Variants in USP24 observed in about 807,000 individuals in gnomAD.
USP24 encodes ubiquitin specific peptidase 24.
USP24 carries 97 observed loss-of-function variants against 361.6 expected under a neutral mutation model. That is an observed-to-expected ratio of 0.27 (90% CI 0.23 to 0.32). The LOEUF is 0.32. USP24 is among the 10% of genes least tolerant of loss of function. USP24 has a pLI of 1.00. For missense variants in USP24, 2,353 were observed against 3,165.6 expected (o/e 0.74, Z 6.16); for synonymous variants, 1,098 against 1,124.6 (o/e 0.98, Z 0.47).
At chr1:55,082,960 G>T (rs967872252) in intron 58 of USP24, among the ~76,000 whole-genome samples, 2 of 151,914 alleles carry the variant, frequency 1.3e-5, no homozygotes, top group African/African-American at 4.8e-5. Flanking sequence ...AGACAGCCTT[G>T]TTCACAGCCC....
intron 42 of USP24, 148 bp from the exon 43 acceptor site, chr1:55,101,851 T>G (rs1001987488): frequency 1.3e-5 from 14 of 1,040,060 alleles, no homozygotes; most frequent in Non-Finnish European, 1.3e-6. Context: ...CCTATGTTCA[T>G]GAAGTACCTC....
intron 44 of USP24, among the ~76,000 whole-genome samples, 195 bp downstream of exon 44, chr1:55,100,644 T>C (rs1252439314): frequency 6.6e-6 from 1 of 152,222 alleles, no homozygotes; most frequent in Non-Finnish European, 1.5e-5. Flanking sequence ...TTCCTAGGAA[T>C]TGAATGACTA....
intron 1 of USP24, among the ~76,000 whole-genome samples, chr1:55,209,617 T>A (rs1644801797): frequency 6.6e-6 from 1 of 152,192 alleles, no homozygotes. Flanking sequence ...TTGAAACTTG[T>A]TTGAACTGTA....
intron 1 of USP24, among the ~76,000 whole-genome samples, chr1:55,190,744 T>C (rs1390559815): frequency 2.0e-5 from 3 of 152,106 alleles, no homozygotes; most frequent in Non-Finnish European, 1.5e-5. Context: ...AAAAGGATAA[T>C]GTGAAAGTAG....
chr1:55,129,173 T>A (rs1259036464), intron 32 of USP24, among the ~76,000 whole-genome samples: 1 of 152,214 alleles, frequency 6.6e-6, no homozygotes, highest in Non-Finnish European at 1.5e-5. Context: ...AAAATTCACC[T>A]TATTTCAAAC....
chr1:55,085,480 T>C (rs1239797726), intron 56 of USP24, among the ~76,000 whole-genome samples: 3 of 152,250 alleles, frequency 2.0e-5, no homozygotes, highest in Non-Finnish European at 2.9e-5. Context: ...GTAACTGCTG[T>C]ACCTGTAAGG....
chr1:55,135,383 T>C (rs940525016), intron 28 of USP24, among the ~76,000 whole-genome samples: 3 of 152,048 alleles, frequency 2.0e-5, no homozygotes, highest in African/African-American at 7.2e-5. Context: ...AATCGGAAAC[T>C]TTCTGAGTGC....
intron 59 of USP24, 109 bp from the exon 60 acceptor site, chr1:55,079,768 G>C: frequency 2.8e-6 from 4 of 1,404,318 alleles, no homozygotes; most frequent in Non-Finnish European, 3.7e-6. Context: ...CACACACTGA[G>C]TACTCTCACA....
At chr1:55,139,117 T>C in intron 24 of USP24, 107 bp from the exon 25 acceptor site, 1 of 984,064 alleles carries the variant, frequency 1.0e-6, no homozygotes. Flanking sequence ...CACTCACTGG[T>C]CAAAGACTGA....
chr1:55,214,881 C>CCGTCACCTCCGCCGT lies in USP24; in HGVS notation c.218_232dup (p.Asp73_Asp77dup). The CCGTCACCTCCGCCGT allele has an allele frequency of 2.6e-5, 32 of 1,226,478 alleles. No individual in the cohort carries two copies. The highest frequency in any genetic ancestry group is 3.3e-5 in the Non-Finnish European group (32 of 978,818). 76.0% of individuals were successfully genotyped at this position (1,226,478 alleles called of 1,614,324 possible). On this transcript the variant is annotated inframe_insertion, in exon 1 of 68. Transcript: ENST00000294383. ...GCCGCGGGAGGGGCCGCCGCCGCCG[C>CCGTCACCTCCGCCGT]CGTCACCTCCGCCGTCGCCCCGCGG...
At chr1:55,079,307 T>TG (rs1645094745) in intron 60 of USP24, among the ~76,000 whole-genome samples, 2 of 152,212 alleles carry the variant, frequency 1.3e-5, no homozygotes, top group South Asian at 4.1e-4. Flanking sequence ...TACCTCCCTC[T>TG]GGGGCCCTGA....
intron 1 of USP24, among the ~76,000 whole-genome samples, chr1:55,214,389 G>C (rs539723765): frequency 6.6e-6 from 1 of 151,500 alleles, no homozygotes; most frequent in Non-Finnish European, 1.5e-5. Flanking sequence ...TAGTGCACTA[G>C]TACCCCATTT....
chr1:55,147,499 A>G, intron 18 of USP24, 150 bp downstream of exon 18: 1 of 761,016 alleles, frequency 1.3e-6, no homozygotes, highest in Non-Finnish European at 1.9e-6. Flanking sequence ...TAACTCACAA[A>G]CACCAAGATA....
In USP24 at chr1:55,101,695, G is replaced by A; in HGVS notation, c.5034C>T (p.Pro1678=). 1 of 1,603,842 alleles carries A rather than the reference G, an allele frequency of 6.2e-7. No individual in the cohort carries two copies. Among genetic ancestry groups the A allele is most frequent in the Non-Finnish European group, 8.5e-7 (1 of 1,176,762 alleles). ...PALTKEFDYL[P]PVDSRSSSGF... ...CTGAACTGGACCTGCTATCCACTGG[G>A]GGAAGGTACTGGAAAAGAGAGGAAT... Residue 1678 remains proline, a synonymous_variant, in exon 43 of 68, where the codon CCC becomes CCT. Transcript: ENST00000294383.
At chr1:55,129,157 A>G (rs913312192) in intron 32 of USP24, among the ~76,000 whole-genome samples, 1 of 152,228 alleles carries the variant, frequency 6.6e-6, no homozygotes, top group Non-Finnish European at 1.5e-5. Flanking sequence ...ATGGATTTAC[A>G]GCGATAAAAT....
At chr1:55,129,413 A>G (rs2100636920) in intron 32 of USP24, 64 bp downstream of exon 32, 1 of 1,378,930 alleles carries the variant, frequency 7.3e-7, no homozygotes, top group East Asian at 2.4e-5. Flanking sequence ...TTTGCAGGGG[A>G]AATTAACTAA....
intron 1 of USP24, among the ~76,000 whole-genome samples, chr1:55,185,092 G>A (rs1422862353): frequency 6.6e-6 from 1 of 151,942 alleles, no homozygotes; most frequent in Non-Finnish European, 1.5e-5. Flanking sequence ...CCCAGCAGCT[G>A]GGACTACTGC....
chr1:55,070,708 G>C (rs556616652), intron 67 of USP24, among the ~76,000 whole-genome samples: 1 of 143,886 alleles, frequency 6.9e-6, no homozygotes, highest in African/African-American at 2.5e-5. Flanking sequence ...GGCTTTGACA[G>C]GGCAGAAGAG....
chr1:55,137,430 T>C (rs1646769297), intron 28 of USP24, 85 bp downstream of exon 28: 2 of 1,427,858 alleles, frequency 1.4e-6, no homozygotes. Context: ...AATCCCAGCA[T>C]TTGTTATACA....
Sources: allele counts gnomAD v4.1 joint callset (sites outside exome capture counted in the v4.1 genomes callset), GRCh38; gene constraint gnomAD v4.1.1; transcripts MANE v1.5; gene names NCBI Gene and HGNC (gene_info 2026-07-23, HGNC 2026-07-21).